MPRIP: variants seen among roughly 807,000 people sequenced by gnomAD.
MPRIP encodes the protein myosin phosphatase Rho-interacting protein.
In MPRIP, 59 loss-of-function variants were observed where a neutral mutation model predicts 234.9. The observed-to-expected ratio is 0.25, with a 90% CI of 0.20 to 0.31. MPRIP has a LOEUF of 0.31. Ranked by LOEUF, MPRIP falls within the 10% of genes least tolerant of loss-of-function variation. The pLI, the probability that MPRIP is intolerant of heterozygous loss-of-function variation, is 1.00. For missense variants in MPRIP, 2,436 were observed against 3,071.0 expected (o/e 0.79, Z 4.89); for synonymous variants, 1,144 against 1,263.9 (o/e 0.91, Z 2.01).
At position 17,137,909 on chromosome 17, in the gene MPRIP, C is replaced by T; in HGVS notation, c.737-7C>T. 1 of 1,594,436 alleles carries T rather than the reference C, an allele frequency of 6.3e-7. No homozygotes were observed. Among genetic ancestry groups the T allele is most frequent in the Non-Finnish European group, 8.5e-7 (1 of 1,171,184 alleles). ...GTGCGTCTCCTCCCTCCCACTGTCT[C>T]TTCCAGAGGAGAGCGCCATGAGTAG... On this transcript the variant is annotated splice_polypyrimidine_tract_variant and splice_region_variant and intron_variant, in intron 6 of 23. Transcript: ENST00000651222.
chr17:17,071,381 T>C (rs1333755746), intron 1 of MPRIP, among the ~76,000 whole-genome samples: 1 of 152,190 alleles, frequency 6.6e-6, no homozygotes, highest in African/African-American at 2.4e-5. Context: ...GTACCCACTC[T>C]GGGATAGTGA....
intron 13 of MPRIP, among the ~76,000 whole-genome samples, chr17:17,154,767 C>G (rs968798105): frequency 1.4e-4 from 21 of 152,240 alleles, no homozygotes; most frequent in African/African-American, 4.6e-4. Context: ...CTCTGCTGCT[C>G]TAAGGGTGGC....
chr17:17,045,975 T>C (rs562768108), intron 1 of MPRIP, among the ~76,000 whole-genome samples: 1 of 152,206 alleles, frequency 6.6e-6, no homozygotes, highest in South Asian at 2.1e-4. Context: ...CTGGCTAATT[T>C]TTTGTATTTT....
chr17:17,089,633 G>C (rs988931256), intron 3 of MPRIP, among the ~76,000 whole-genome samples: 9 of 152,080 alleles, frequency 5.9e-5, no homozygotes, highest in Admixed American at 2.6e-4. Flanking sequence ...TGAGCTCTGG[G>C]GAGTTCAGCA....
chr17:17,183,427 A>G (rs940478182), intron 23 of MPRIP, among the ~76,000 whole-genome samples: 2 of 152,190 alleles, frequency 1.3e-5, no homozygotes, highest in Admixed American at 1.3e-4. Flanking sequence ...TGTGTTAGCC[A>G]GGATGGTCTC....
chr17:17,074,257 A>G (rs1567697448), intron 1 of MPRIP, among the ~76,000 whole-genome samples: 1 of 152,234 alleles, frequency 6.6e-6, no homozygotes. Flanking sequence ...AAGGCACTGG[A>G]TAAATGGGAC....
At chr17:17,142,438 TGGGA>T in intron 7 of MPRIP, 185 bp from the exon 8 acceptor site, 1 of 610,076 alleles carries the variant, frequency 1.6e-6, no homozygotes, top group Non-Finnish European at 2.8e-6. Context: ...GCAGGCCTGA[TGGGA>T]GGGAGGGCCG....
chr17:17,148,927 T>TTTAC (rs2045535410), intron 11 of MPRIP, among the ~76,000 whole-genome samples: 1 of 152,244 alleles, frequency 6.6e-6, no homozygotes, highest in South Asian at 2.1e-4. Context: ...TGAACTTCCC[T>TTTAC]TTACTTACAC....
At chr17:17,077,824 C>CAG (rs1042477498) in intron 2 of MPRIP, 187 bp from the exon 3 acceptor site, 1 of 610,652 alleles carries the variant, frequency 1.6e-6, no homozygotes, top group African/African-American at 1.9e-5. Flanking sequence ...TCTCCCAGCC[C>CAG]AGTCCTGGCT....
chr17:17,065,484 A>G (rs2088996257), intron 1 of MPRIP, among the ~76,000 whole-genome samples: 1 of 151,216 alleles, frequency 6.6e-6, no homozygotes, highest in African/African-American at 2.4e-5. Context: ...CTTTGTCAAA[A>G]TTGGGCATAT....
chr17:17,050,178 G>T (rs1276069707), intron 1 of MPRIP, among the ~76,000 whole-genome samples: 1 of 152,110 alleles, frequency 6.6e-6, no homozygotes, highest in African/African-American at 2.4e-5. Flanking sequence ...AATCGGGCGT[G>T]GTGGTGGGCG....
intron 13 of MPRIP, among the ~76,000 whole-genome samples, chr17:17,157,943 T>C (rs2045765990): frequency 6.6e-6 from 1 of 152,090 alleles, no homozygotes; most frequent in Non-Finnish European, 1.5e-5. Flanking sequence ...AGTCCAGGGG[T>C]GCACAGGGCC....
At chr17:17,089,494 GT>G (rs112288644) in intron 3 of MPRIP, among the ~76,000 whole-genome samples, 5 of 151,348 alleles carry the variant, frequency 3.3e-5, no homozygotes, top group South Asian at 2.1e-4. Context: ...TAGAGATTGG[GT>G]TTTTTTTTGT....
At chr17:17,098,473 C>G (rs927705258) in intron 3 of MPRIP, among the ~76,000 whole-genome samples, 2 of 152,174 alleles carry the variant, frequency 1.3e-5, no homozygotes, top group Admixed American at 6.5e-5. Context: ...CCTCTCTTGA[C>G]AGGATTAGAA....
chr17:17,073,942 C>T (rs2089265253), intron 1 of MPRIP, among the ~76,000 whole-genome samples: 1 of 152,206 alleles, frequency 6.6e-6, no homozygotes, highest in East Asian at 1.9e-4. Context: ...CCCCCGACCC[C>T]AGGCACACAG....
intron 3 of MPRIP, among the ~76,000 whole-genome samples, chr17:17,095,913 C>T (rs572882450): frequency 6.6e-6 from 1 of 152,334 alleles, no homozygotes; most frequent in East Asian, 1.9e-4. Flanking sequence ...ATGTATCCAG[C>T]CACTTCCCAC....
chr17:17,133,510 T>C (rs916938408), intron 5 of MPRIP, among the ~76,000 whole-genome samples: 1 of 152,158 alleles, frequency 6.6e-6, no homozygotes, highest in African/African-American at 2.4e-5. Context: ...CCTCACACCT[T>C]CAGAGCACCT....
chr17:17,164,263 C>A lies in MPRIP; in HGVS notation c.2672C>A (p.Thr891Lys). Residue 891 changes from threonine (T) to lysine (K), a missense_variant, in exon 16 of 24, where the codon ACG (threonine) becomes AAG (lysine). Physicochemically the swap from Thr to Lys is moderately conservative, Grantham distance 78 (BLOSUM62 -1). This residue lies in a region of MPRIP where 1,998 missense variants were observed against 2,520.3 expected (regional missense o/e 0.79). Transcript: ENST00000651222. ...LKRSYGEAKD[T>K]IRHHEAEIRS... ...CGTAGCTATGGGGAGGCCAAGGACACGATCCGGCACCACGAGGCTGAGATC... is the reference window on the plus strand; with the variant it reads ...CGTAGCTATGGGGAGGCCAAGGACAAGATCCGGCACCACGAGGCTGAGATC... 4.6e-6 allele frequency: 6 copies of A among 1,304,254 alleles called. No individual in the cohort carries two copies. Among genetic ancestry groups the A allele is most frequent in the Non-Finnish European group, 6.1e-6 (6 of 988,988 alleles). 80.8% of individuals were successfully genotyped at this position (1,304,254 alleles called of 1,614,324 possible). A position where few individuals can be genotyped will look rare whatever the true frequency, so the allele number is the denominator to read the frequency against.
chr17:17,180,193 C>T (rs2046343836), intron 23 of MPRIP, 105 bp downstream of exon 23: 3 of 978,204 alleles, frequency 3.1e-6, no homozygotes, highest in Non-Finnish European at 4.6e-6. Flanking sequence ...CTGCCAAAGC[C>T]CCAGGGCCCA....
Sources: allele counts gnomAD v4.1 joint callset (sites outside exome capture counted in the v4.1 genomes callset), GRCh38; gene constraint gnomAD v4.1.1; regional missense constraint gnomAD v4.1.1; transcripts MANE v1.5; gene names NCBI Gene and HGNC (gene_info 2026-07-23, HGNC 2026-07-21).